Variants in SPTBN2 observed in about 807,000 individuals in gnomAD.
SPTBN2 encodes the protein spectrin beta chain, non-erythrocytic 2.
In SPTBN2, 107 loss-of-function variants were observed where a neutral mutation model predicts 284.2. The observed-to-expected ratio is 0.38, with a 90% CI of 0.32 to 0.44. SPTBN2 has a LOEUF of 0.44. Among genes scored for constraint, SPTBN2 ranks in the 20% least tolerant of loss-of-function variants. The pLI, the probability that SPTBN2 is intolerant of heterozygous loss-of-function variation, is 1.00. For synonymous variants in SPTBN2, 1,289 were observed against 1,354.8 expected, an observed-to-expected ratio of 0.95 and a Z score of 1.07; for missense variants, 2,569 against 3,287.1, an observed-to-expected ratio of 0.78 and a Z score of 5.34.
Position 66,705,149 on chromosome 11 carries a change from G to C in SPTBN2, c.2127C>G (p.Ala709=). 1 of 1,536,892 alleles carries C rather than the reference G, an allele frequency of 6.5e-7. No homozygotes were observed. Among genetic ancestry groups the C allele is most frequent in the Non-Finnish European group, 8.7e-7 (1 of 1,143,598 alleles). Residue 709 remains alanine (A), a synonymous_variant, in exon 15 of 38, where the codon GCC becomes GCG. Coordinates refer to ENST00000533211, the MANE Select transcript of SPTBN2 (RefSeq NM_006946.4). The stretch of plus-strand genomic sequence containing the variant: ...CCTGGCTTGCCCCAGGGTGACCCTC[G>C]GCCACCAACTGCTGGCCCTGCTCCA... The part of the protein sequence containing the change: ...LTLEQGQQLV[A]EGHPGASQAS...
intron 1 of SPTBN2, among the ~76,000 whole-genome samples, chr11:66,743,322 T>G (rs1942914896): frequency 6.6e-6 from 1 of 152,154 alleles, no homozygotes; most frequent in South Asian, 2.1e-4. Flanking sequence ...GAGAAGGGTA[T>G]GATTCAGGTC....
chr11:66,707,397 G>A lies in SPTBN2; in HGVS notation c.1653+119C>T. 2 of 1,085,984 alleles carry A rather than the reference G, an allele frequency of 1.8e-6. No individual in the cohort carries two copies. Among genetic ancestry groups the A allele is most frequent in the Non-Finnish European group, 2.6e-6 (2 of 757,086 alleles). 67.3% of individuals were successfully genotyped at this position (1,085,984 alleles called of 1,614,324 possible). A position where few individuals can be genotyped will look rare whatever the true frequency, so the allele number is the denominator to read the frequency against. On this transcript the variant is annotated intron_variant, in intron 13 of 37. Transcript: ENST00000533211. The surrounding 1 kb of genome is among the most constrained non-coding windows in gnomAD (Gnocchi z 4.9). ...ACTTTGTTCCCTGCAACTGGGGACA[G>A]GGCCCTGTGCTGGTTCACACTCCAC...
At position 66,715,713 on chromosome 11, in the gene SPTBN2, GA is replaced by G; in HGVS notation, c.309+116del. The G allele has an allele frequency of 7.1e-7, 1 of 1,407,880 alleles. No individual in the cohort carries two copies. The highest frequency in any genetic ancestry group is 1.4e-5 in the African/African-American group (1 of 70,606). 87.2% of individuals were successfully genotyped at this position (1,407,880 alleles called of 1,614,324 possible). ...TTGAAATGAACCCATCCTCTGAGCA[GA>G]GGGAGCCACTGCTTCCCGCCCTGTG... On this transcript the variant is annotated intron_variant, in intron 4 of 37. Coordinates refer to ENST00000533211, the MANE Select transcript of SPTBN2 (RefSeq NM_006946.4). This position sits in a 1 kb window ranked among gnomAD's most constrained non-coding sequence, Gnocchi z 5.3.
At chr11:66,738,431 T>C (rs1015390578) in intron 1 of SPTBN2, among the ~76,000 whole-genome samples, 1 of 152,202 alleles carries the variant, frequency 6.6e-6, no homozygotes, top group Admixed American at 6.5e-5. Context: ...CTCTTTCCAA[T>C]TGGTGAGAAT....
At chr11:66,688,976 A>G (rs1940345855) in intron 30 of SPTBN2, 120 bp downstream of exon 30, 2 of 1,470,694 alleles carry the variant, frequency 1.4e-6, no homozygotes, top group South Asian at 2.4e-5. Context: ...GCCAGGCAGC[A>G]CGAAGATTGG....
intron 1 of SPTBN2, among the ~76,000 whole-genome samples, chr11:66,724,999 G>A (rs1590988875): frequency 6.6e-6 from 1 of 152,202 alleles, no homozygotes; most frequent in Non-Finnish European, 1.5e-5. Flanking sequence ...CCAACTGTTA[G>A]AATGTCTCTG....
chr11:66,685,562 T>G lies in SPTBN2; in HGVS notation c.*309A>C. The G allele has an allele frequency of 2.6e-6, 1 of 389,478 alleles. No homozygotes were observed. The highest frequency in any genetic ancestry group is 4.9e-6 in the Non-Finnish European group (1 of 203,940). 24.1% of individuals were successfully genotyped at this position (389,478 alleles called of 1,614,324 possible). On this transcript the variant is annotated 3_prime_UTR_variant, in exon 38 of 38. Transcript: ENST00000533211. The surrounding 1 kb of genome is among the most constrained non-coding windows in gnomAD (Gnocchi z 4.4). ...GCAGCCACTCCCCACATGGCCTATG[T>G]TGAGGGTGCGGCACTGTCCACACCG...
In SPTBN2 at chr11:66,708,786, G is replaced by T; in HGVS notation, c.1191+116C>A. 1 of 829,438 alleles carries T rather than the reference G, an allele frequency of 1.2e-6. No individual in the cohort carries two copies. Among genetic ancestry groups the T allele is most frequent in the East Asian group, 2.5e-5 (1 of 40,394 alleles). The allele number at this position is 829,438 out of a possible 1,614,324, so 51.4% of individuals were successfully genotyped here. A position where few individuals can be genotyped will look rare whatever the true frequency, so the allele number is the denominator to read the frequency against. On this transcript the variant is annotated intron_variant, in intron 11 of 37. Coordinates refer to ENST00000533211, the MANE Select transcript of SPTBN2 (RefSeq NM_006946.4). The surrounding 1 kb of genome is among the most constrained non-coding windows in gnomAD (Gnocchi z 4.4). ...GCAGAGTGCTCGAGTTTCAAGTTGG[G>T]GCAGCAGATAGTAGAACTTGGTGAA...
chr11:66,714,486 G>A (rs1210108539), intron 5 of SPTBN2, 79 bp from the exon 6 acceptor site: 1 of 1,268,534 alleles, frequency 7.9e-7, no homozygotes. Context: ...ATAAATGGCA[G>A]GAAACTGCTC....
chr11:66,700,036 A>T lies in SPTBN2; in HGVS notation c.3574-428T>A, dbSNP rs1941153875. ...GCAGTGGCATATCATAGCTCACTGCAGCCTCAAACTCCTGGCTCCAGTGAT... is the reference window on the plus strand; with the variant it reads ...GCAGTGGCATATCATAGCTCACTGCTGCCTCAAACTCCTGGCTCCAGTGAT... On this transcript the variant is annotated intron_variant, in intron 17 of 37. Coordinates refer to ENST00000533211, the MANE Select transcript of SPTBN2 (RefSeq NM_006946.4). The surrounding 1 kb of genome is among the most constrained non-coding windows in gnomAD (Gnocchi z 6.6). Among the ~76,000 whole-genome samples the T allele has an allele frequency of 6.6e-6, 1 of 151,496 alleles. No individual in the cohort carries two copies. Among genetic ancestry groups the T allele is most frequent in the African/African-American group, 2.4e-5 (1 of 41,158 alleles).
At chr11:66,738,553 G>A (rs150906701) in intron 1 of SPTBN2, among the ~76,000 whole-genome samples, 1 of 152,256 alleles carries the variant, frequency 6.6e-6, no homozygotes, top group East Asian at 1.9e-4. Context: ...GTCTCTCTCT[G>A]TTGCCAGGCT....
rs931987183 is a variant in SPTBN2 at position 66,687,306 on chromosome 11, C to T, written c.6722+121G>A. Reference sequence around the variant, plus strand: ...ACCCTCTGGTCCTCCCCTGAGGCCCCGCTCTGGTCCCAAGTCCTACCCTTT... The same window carrying T: ...ACCCTCTGGTCCTCCCCTGAGGCCCTGCTCTGGTCCCAAGTCCTACCCTTT... On this transcript the variant is annotated intron_variant, in intron 35 of 37. Coordinates refer to ENST00000533211, the MANE Select transcript of SPTBN2 (RefSeq NM_006946.4). The surrounding 1 kb of genome is among the most constrained non-coding windows in gnomAD (Gnocchi z 5.2). 1.6e-5 allele frequency: 24 copies of T among 1,540,226 alleles called. No homozygotes were observed. In the South Asian group the frequency reaches 2.3e-4, roughly 14 times the overall value.
chr11:66,693,714 C>T lies in SPTBN2; in HGVS notation c.4593+58G>A, dbSNP rs1350904531. ...GGGGGCCTGGTCTTAAGAAAAAACA[C>T]GTCCAAGTCTGGGCAGGCTCCTGGG... On this transcript the variant is annotated intron_variant, in intron 23 of 37. Transcript: ENST00000533211. This position sits in a 1 kb window ranked among gnomAD's most constrained non-coding sequence, Gnocchi z 5.7. 27 of 1,525,780 alleles carry T rather than the reference C, an allele frequency of 1.8e-5. 1 individual carries two copies. The highest frequency in any genetic ancestry group is 5.9e-5 in the South Asian group (5 of 84,784). The allele number at this position is 1,525,780 out of a possible 1,614,324, so 94.5% of individuals were successfully genotyped here. A position where few individuals can be genotyped will look rare whatever the true frequency, so the allele number is the denominator to read the frequency against.
intron 1 of SPTBN2, among the ~76,000 whole-genome samples, chr11:66,742,614 T>A (rs1173700741): frequency 7.0e-6 from 1 of 143,164 alleles, no homozygotes; most frequent in African/African-American, 2.5e-5. Flanking sequence ...ACAATGATAA[T>A]TTTTTTTTTT....
intron 8 of SPTBN2, among the ~76,000 whole-genome samples, chr11:66,711,811 A>G (rs2135497324): frequency 6.6e-6 from 1 of 152,350 alleles, no homozygotes; most frequent in South Asian, 2.1e-4. Context: ...AATTACAGCC[A>G]TGCTACCCAG....
chr11:66,719,827 T>G (rs188891642), intron 3 of SPTBN2, among the ~76,000 whole-genome samples: 29 of 152,326 alleles, frequency 1.9e-4, no homozygotes, highest in Non-Finnish European at 3.7e-4. Context: ...CAGGAACATT[T>G]TCCCCAAACA....
intron 1 of SPTBN2, among the ~76,000 whole-genome samples, chr11:66,725,042 A>G (rs1325466122): frequency 6.6e-6 from 1 of 152,186 alleles, no homozygotes; most frequent in African/African-American, 2.4e-5. Flanking sequence ...GAAAGTATGG[A>G]GCTAGAACCT....
chr11:66,693,060 A>G lies in SPTBN2; in HGVS notation c.4895T>C (p.Val1632Ala), dbSNP rs765809065. The G allele has an allele frequency of 9.3e-6, 15 of 1,614,046 alleles. No homozygotes were observed. In the South Asian group the frequency reaches 1.5e-4, roughly 17 times the overall value. Residue 1632 changes from valine (V) to alanine (A), a missense_variant, in exon 25 of 38, where the codon GTG (valine) becomes GCG (alanine). Transcript: ENST00000533211. The surrounding 1 kb of genome is among the most constrained non-coding windows in gnomAD (Gnocchi z 5.7). Reference sequence around the variant, plus strand: ...GTAGTCGGCCAGGGCTTGCTCCAGCACCTGGTGCTTCTTCACCTCTGCCTG... The same window carrying G: ...GTAGTCGGCCAGGGCTTGCTCCAGCGCCTGGTGCTTCTTCACCTCTGCCTG... ...SAQAEVKKHQ[V>A]LEQALADYAQ...
chr11:66,690,614 G>A (rs528817578), intron 27 of SPTBN2, among the ~76,000 whole-genome samples: 1 of 152,322 alleles, frequency 6.6e-6, no homozygotes, highest in African/African-American at 2.4e-5. Flanking sequence ...TTCAGGCAGG[G>A]GCTGATGGGT....
Sources: allele counts gnomAD v4.1 joint callset (sites outside exome capture counted in the v4.1 genomes callset), GRCh38; gene constraint gnomAD v4.1.1; non-coding constraint Gnocchi (gnomAD v3.1); transcripts MANE v1.5; gene names NCBI Gene and HGNC (gene_info 2026-07-23, HGNC 2026-07-21).